Variants in RAPGEF1 observed in about 807,000 individuals in gnomAD.
The protein encoded by RAPGEF1 is CRK SH3-binding GNRP.
A neutral mutation model predicts 143.3 loss-of-function variants in RAPGEF1; 33 were observed. The ratio of observed to expected loss-of-function variants is 0.23; its 90% confidence interval spans 0.17 to 0.31. The LOEUF (loss-of-function observed/expected upper bound fraction) is 0.31. Among genes scored for constraint, RAPGEF1 ranks in the 10% least tolerant of loss-of-function variants. RAPGEF1 has a pLI of 1.00. For missense variants in RAPGEF1, 1,199 were observed against 1,645.4 expected (o/e 0.73, Z 4.69); for synonymous variants, 629 against 676.5 (o/e 0.93, Z 1.09).
chr9:131,610,980 T>A (rs1272330471), intron 12 of RAPGEF1, among the ~76,000 whole-genome samples: 6 of 152,246 alleles, frequency 3.9e-5, no homozygotes, highest in Admixed American at 2.6e-4. Flanking sequence ...GTCTTCTCTT[T>A]CCTTACGGTC....
At chr9:131,617,982 T>C (rs1959312501) in intron 12 of RAPGEF1, among the ~76,000 whole-genome samples, 1 of 152,240 alleles carries the variant, frequency 6.6e-6, no homozygotes, top group Non-Finnish European at 1.5e-5. Flanking sequence ...TGTCAGCCCC[T>C]AGGCTTCAGC....
At chr9:131,739,579 T>G (rs1837623744) in intron 1 of RAPGEF1, among the ~76,000 whole-genome samples, 191 bp downstream of exon 1, 1 of 147,832 alleles carries the variant, frequency 6.8e-6, no homozygotes, top group Admixed American at 6.7e-5. Context: ...AGCGGCCGCT[T>G]CCCCCCGCGC....
chr9:131,582,961 T>C (rs531227335), intron 24 of RAPGEF1, among the ~76,000 whole-genome samples: 3 of 152,350 alleles, frequency 2.0e-5, no homozygotes, highest in African/African-American at 7.2e-5. Context: ...CACCCCACAG[T>C]ACTCATTGTG....
Position 131,598,212 on chromosome 9 carries a change from G to A in RAPGEF1, c.2600C>T (p.Thr867Met), listed in dbSNP as rs767153483. The A allele has an allele frequency of 1.7e-5, 27 of 1,613,802 alleles. No homozygotes were observed. Among genetic ancestry groups the A allele is most frequent in the South Asian group, 6.6e-5 (6 of 91,076 alleles). The stretch of plus-strand genomic sequence containing the variant: ...GGAAGTTCTCACCTCCTGCTTGAGC[G>A]TCAGCCTGGACATAATTTCGTTGTG... Reference protein sequence around the residue: ...IDHNEIMSRLTLKQEGDDGPD... With the variant: ...IDHNEIMSRLMLKQEGDDGPD... Residue 867 changes from threonine to methionine, a missense_variant, in exon 16 of 27, where the codon ACG becomes ATG. Coordinates refer to ENST00000683357, the MANE Select transcript of RAPGEF1 (RefSeq NM_001377935.1).
At chr9:131,671,797 C>T (rs528549841) in intron 1 of RAPGEF1, among the ~76,000 whole-genome samples, 2 of 152,210 alleles carry the variant, frequency 1.3e-5, no homozygotes, top group East Asian at 1.9e-4. Flanking sequence ...TGGTCCTGGC[C>T]ACTTGAGGGG....
Position 131,709,620 on chromosome 9 carries a change from C to T in RAPGEF1, c.61+30150G>A, listed in dbSNP as rs751597776. The T allele has an allele frequency of 1.9e-6, 3 of 1,613,756 alleles. No homozygotes were observed. In the South Asian group the frequency reaches 3.3e-5, roughly 18 times the overall value. The stretch of plus-strand genomic sequence containing the variant: ...GAAAGGAAGCCCAGGGCTTTCTTAC[C>T]TTGTTTCCAGGGGTACAGATGACTT... On this transcript the variant is annotated intron_variant, in intron 1 of 26. Transcript: ENST00000683357.
At chr9:131,624,961 C>T (rs1305773892) in intron 10 of RAPGEF1, among the ~76,000 whole-genome samples, 1 of 152,272 alleles carries the variant, frequency 6.6e-6, no homozygotes, top group African/African-American at 2.4e-5. Flanking sequence ...AGCCAGCCCT[C>T]AGGGCGACCC....
At position 131,626,397 on chromosome 9, in the gene RAPGEF1, G is replaced by A; in HGVS notation, c.1227C>T (p.Phe409=). 1.2e-6 allele frequency: 2 copies of A among 1,603,394 alleles called. No homozygotes were observed. The highest frequency in any genetic ancestry group is 1.7e-6 in the Non-Finnish European group (2 of 1,172,514). The change falls in exon 10 of 27, where the codon TTC becomes TTT. Residue 409 remains phenylalanine (F), a synonymous_variant. Transcript: ENST00000683357. ...CTGCGTTAGAGAGGTCTTGCTGGAGGAATTCATAGTCGGGATCATAGTGGT... is the reference window on the plus strand; with the variant it reads ...CTGCGTTAGAGAGGTCTTGCTGGAGAAATTCATAGTCGGGATCATAGTGGT... The part of the protein sequence containing the change: ...TLDHYDPDYE[F]LQQDLSNADQ...
chr9:131,712,158 C>T (rs899484071), intron 1 of RAPGEF1, among the ~76,000 whole-genome samples: 2 of 152,140 alleles, frequency 1.3e-5, no homozygotes, highest in African/African-American at 4.8e-5. Context: ...CTGTTTCCCT[C>T]ACAGAGCCCG....
rs765947556 is a variant in RAPGEF1, at chr9:131,579,623, G to A, written c.3666C>T (p.Asp1222=). The A allele has an allele frequency of 1.3e-5, 21 of 1,613,826 alleles. No individual in the cohort carries two copies. The highest frequency in any genetic ancestry group is 8.8e-5 in the South Asian group (8 of 91,086). ...AGTCATTGAAGAAGTTTATAATGTC[G>A]TCGTTCCTCCGCATGTCATAGTGCC... ...QQAHYDMRRN[D]DIINFFNDFS... The change falls in exon 27 of 27, where the codon GAC becomes GAT. Residue 1222 remains aspartate (D), a synonymous_variant. Transcript: ENST00000683357.
At chr9:131,586,563 G>A (rs1161172044) in intron 22 of RAPGEF1, among the ~76,000 whole-genome samples, 1 of 41,758 alleles carries the variant, frequency 2.4e-5, no homozygotes, top group Non-Finnish European at 4.0e-5. Context: ...GCGAGACTCC[G>A]TCTCAAACAC....
chr9:131,721,229 G>A (rs574928718), intron 1 of RAPGEF1, among the ~76,000 whole-genome samples: 18 of 152,250 alleles, frequency 1.2e-4, no homozygotes, highest in Non-Finnish European at 2.1e-4. Flanking sequence ...CTCCCTCAGT[G>A]TTTTCTCATC....
chr9:131,698,737 T>G (rs1834388458), intron 1 of RAPGEF1, among the ~76,000 whole-genome samples: 1 of 152,086 alleles, frequency 6.6e-6, no homozygotes, highest in South Asian at 2.1e-4. Context: ...CCCGACCAGG[T>G]GAGCAACCCC....
intron 1 of RAPGEF1, among the ~76,000 whole-genome samples, chr9:131,696,568 T>C (rs921278437): frequency 3.3e-5 from 5 of 152,238 alleles, no homozygotes; most frequent in African/African-American, 1.2e-4. Flanking sequence ...GCTCGGACTT[T>C]AGAATCTATC....
intron 1 of RAPGEF1, among the ~76,000 whole-genome samples, chr9:131,714,295 G>C (rs996541591): frequency 6.6e-6 from 1 of 152,072 alleles, no homozygotes; most frequent in African/African-American, 2.4e-5. Flanking sequence ...TCTGAGTCAG[G>C]ATCCTGCAAG....
Position 131,619,156 on chromosome 9 carries a change from T to G in RAPGEF1, c.1956A>C (p.Gln652His). The G allele has an allele frequency of 7.6e-7, 1 of 1,314,508 alleles. No homozygotes were observed. The highest frequency in any genetic ancestry group is 1.0e-6 in the Non-Finnish European group (1 of 995,330). 81.4% of individuals were successfully genotyped at this position (1,314,508 alleles called of 1,614,324 possible). A position where few individuals can be genotyped will look rare whatever the true frequency, so the allele number is the denominator to read the frequency against. The change falls in exon 12 of 27, where the codon CAA becomes CAC. Residue 652 changes from glutamine to histidine, a missense_variant. By Grantham distance (24) the Gln-to-His change is conservative. This residue lies in a region of RAPGEF1 where 293 missense variants were observed against 356.2 expected (regional missense o/e 0.82). Transcript: ENST00000683357. ...SFSSVSHCVQ[Q>H]TKVAFTPEDG... ...CCTCGGGGGTGAAGGCCACTTTAGT[T>G]TGCTGGACACAGTGGGAGACAGAGG...
intron 5 of RAPGEF1, among the ~76,000 whole-genome samples, chr9:131,638,007 C>CAA (rs1176716349): frequency 6.6e-6 from 1 of 152,234 alleles, no homozygotes; most frequent in Non-Finnish European, 1.5e-5. Flanking sequence ...AAGGCCCTTA[C>CAA]CTGGTTCATG....
chr9:131,600,316 T>A (rs1956060084), intron 15 of RAPGEF1, among the ~76,000 whole-genome samples: 1 of 152,208 alleles, frequency 6.6e-6, no homozygotes, highest in Non-Finnish European at 1.5e-5. Context: ...CATCTGGAAC[T>A]CTGAAGACGA....
At chr9:131,663,716 A>G (rs1829971622) in intron 1 of RAPGEF1, among the ~76,000 whole-genome samples, 1 of 152,142 alleles carries the variant, frequency 6.6e-6, no homozygotes, top group South Asian at 2.1e-4. Flanking sequence ...TTTCTACTGT[A>G]TTATTAATCA....
Sources: gnomAD v4.1 joint callset for allele counts (sites outside exome capture counted in the v4.1 genomes callset) on GRCh38, gnomAD v4.1.1 for gene constraint, gnomAD v4.1.1 regional missense constraint, MANE v1.5 for transcripts, NCBI Gene and HGNC (gene_info 2026-07-23, HGNC 2026-07-21) for gene names.